Variants in KCNQ1 observed in about 807,000 individuals in gnomAD.
The protein encoded by KCNQ1 is potassium voltage-gated channel subfamily KQT member 1.
KCNQ1 carries 49 observed loss-of-function variants against 72.4 expected under a neutral mutation model. The observed-to-expected ratio is 0.68, with a 90% CI of 0.54 to 0.86. The LOEUF (loss-of-function observed/expected upper bound fraction) is 0.86, where lower values mean the gene tolerates loss of function less well. Ranked by LOEUF, KCNQ1 falls within the 40% of genes least tolerant of loss-of-function variation. KCNQ1 has a pLI of 0.00. For synonymous variants in KCNQ1, 450 were observed against 412.6 expected (o/e 1.09, Z -1.10); for missense variants, 790 against 945.1 (o/e 0.84, Z 2.15).
rs953191450 is a variant in KCNQ1 at position 2,507,405 on chromosome 11, C to T, written c.387-20523C>T. Among the ~76,000 whole-genome samples, 26 of 151,776 alleles carry T rather than the reference C, an allele frequency of 1.7e-4. No homozygotes were observed. Among genetic ancestry groups the T allele is most frequent in the Admixed American group, 7.2e-4 (11 of 15,204 alleles). Reference sequence around the variant, plus strand: ...TGACTGAGGTGGCTGTGGGATGGGACGGCGTGGTTTGCTCTAGAGGGTTTG... The same window carrying T: ...TGACTGAGGTGGCTGTGGGATGGGATGGCGTGGTTTGCTCTAGAGGGTTTG... On this transcript the variant is annotated intron_variant, in intron 1 of 15. Transcript: ENST00000155840. The surrounding 1 kb of genome is among the most constrained non-coding windows in gnomAD (Gnocchi z 5.4).
At chr11:2,521,801 C>G (rs941475705) in intron 1 of KCNQ1, among the ~76,000 whole-genome samples, 1 of 152,270 alleles carries the variant, frequency 6.6e-6, no homozygotes, top group Non-Finnish European at 1.5e-5. Context: ...ACAGCCCCCA[C>G]CCGGACTGGA....
chr11:2,619,127 A>C, intron 10 of KCNQ1: 1 of 398,512 alleles, frequency 2.5e-6, no homozygotes, highest in Non-Finnish European at 4.4e-6. Flanking sequence ...TCATATAAAG[A>C]TAATATTACT....
At position 2,471,665 on chromosome 11, in the gene KCNQ1, C is replaced by T. The variant is rs1331425383; in HGVS notation, c.386+26181C>T. On this transcript the variant is annotated intron_variant, in intron 1 of 15. Coordinates refer to ENST00000155840, the MANE Select transcript of KCNQ1 (RefSeq NM_000218.3). The surrounding 1 kb of genome is among the most constrained non-coding windows in gnomAD (Gnocchi z 4.8). ...GTGTACACATGTGTATGGGTGTGTG[C>T]ATGGGTGTGCACATGTGTATGGGTG... 2.7e-5 allele frequency among the ~76,000 whole-genome samples: 4 copies of T among 146,294 alleles called. No individual in the cohort carries two copies. Among genetic ancestry groups the T allele is most frequent in the Non-Finnish European group, 4.5e-5 (3 of 66,756 alleles).
intron 11 of KCNQ1, among the ~76,000 whole-genome samples, chr11:2,763,054 G>A (rs1300038780): frequency 2.0e-5 from 3 of 152,006 alleles, no homozygotes. Context: ...TCACCTTGTC[G>A]GTTTCCAATA....
chr11:2,568,545 C>T (rs577275054), intron 2 of KCNQ1, among the ~76,000 whole-genome samples: 1 of 152,334 alleles, frequency 6.6e-6, no homozygotes, highest in East Asian at 1.9e-4. Context: ...GGCCCGGTCT[C>T]CCTAACGGGC....
intron 11 of KCNQ1, chr11:2,689,577 A>G (rs1350490899): frequency 2.5e-6 from 1 of 398,564 alleles, no homozygotes; most frequent in Non-Finnish European, 4.4e-6. Context: ...GAAATCTGTT[A>G]GCAGTGGTGT....
At position 2,536,125 on chromosome 11, in the gene KCNQ1, T is replaced by A. The variant is rs1847727997; in HGVS notation, c.477+8107T>A. Among the ~76,000 whole-genome samples, 3 of 152,198 alleles carry A rather than the reference T, an allele frequency of 2.0e-5. No homozygotes were observed. Among genetic ancestry groups the A allele is most frequent in the Non-Finnish European group, 4.4e-5 (3 of 68,024 alleles). ...GCACAGGCCACGCGGCGACAGGGGC[T>A]GCTGAAGGAAGGCTGGTCCGCTCCC... is the stretch of plus-strand genomic sequence containing the variant. On this transcript the variant is annotated intron_variant, in intron 2 of 15. Coordinates refer to ENST00000155840, the MANE Select transcript of KCNQ1 (RefSeq NM_000218.3). The surrounding 1 kb of genome is among the most constrained non-coding windows in gnomAD (Gnocchi z 7.4).
chr11:2,710,702 C>T lies in KCNQ1; in HGVS notation c.1514+48621C>T, dbSNP rs1850988021. Among the ~76,000 whole-genome samples the T allele has an allele frequency of 1.3e-5, 2 of 152,192 alleles. No homozygotes were observed. Among genetic ancestry groups the T allele is most frequent in the Non-Finnish European group, 2.9e-5 (2 of 68,042 alleles). On this transcript the variant is annotated intron_variant, in intron 11 of 15. Transcript: ENST00000155840. This position sits in a 1 kb window ranked among gnomAD's most constrained non-coding sequence, Gnocchi z 4.1. ...CTTTATTCTTTGTCATGTGGATAGA[C>T]AGTTATCCCAACACCATTTGTTGAA... is the stretch of plus-strand genomic sequence containing the variant.
Position 2,515,139 on chromosome 11 carries a change from T to G in KCNQ1, c.387-12789T>G, listed in dbSNP as rs1352971496. On this transcript the variant is annotated intron_variant, in intron 1 of 15. Coordinates refer to ENST00000155840, the MANE Select transcript of KCNQ1 (RefSeq NM_000218.3). This position sits in a 1 kb window ranked among gnomAD's most constrained non-coding sequence, Gnocchi z 4.7. ...CCCATCAGCCGGATATTGGACGTTA[T>G]ACTCAATAGGTAATTTTTCAACCCT... 1.3e-5 allele frequency among the ~76,000 whole-genome samples: 2 copies of G among 152,194 alleles called. No individual in the cohort carries two copies. The highest frequency in any genetic ancestry group is 2.9e-5 in the Non-Finnish European group (2 of 68,036).
intron 11 of KCNQ1, among the ~76,000 whole-genome samples, chr11:2,729,261 G>A (rs554344197): frequency 2.0e-5 from 3 of 152,372 alleles, no homozygotes; most frequent in East Asian, 3.9e-4. Flanking sequence ...CTGCGGGCTC[G>A]AGTGACTGCC....
intron 1 of KCNQ1, among the ~76,000 whole-genome samples, chr11:2,499,705 A>C (rs956488826): frequency 6.6e-6 from 1 of 152,340 alleles, no homozygotes; most frequent in South Asian, 2.1e-4. Flanking sequence ...GATAATAACT[A>C]TAAGAAGAGA....
chr11:2,590,813 T>G (rs1165040715), intron 10 of KCNQ1, among the ~76,000 whole-genome samples: 1 of 152,164 alleles, frequency 6.6e-6, no homozygotes, highest in Non-Finnish European at 1.5e-5. Flanking sequence ...CCTTGGAGGC[T>G]GGACCCCACT....
chr11:2,627,675 T>C lies in KCNQ1; in HGVS notation c.1394-34286T>C, dbSNP rs531472890. On this transcript the variant is annotated intron_variant, in intron 10 of 15. Coordinates refer to ENST00000155840, the MANE Select transcript of KCNQ1 (RefSeq NM_000218.3). This position sits in a 1 kb window ranked among gnomAD's most constrained non-coding sequence, Gnocchi z 4.9. ...ATATTTCATTGTGTGTGTGTATATA[T>C]GTGTGTGTGTGTGTCTGTATGTATA... The C allele has an allele frequency of 1.5e-5, 6 of 396,680 alleles. No homozygotes were observed. Among genetic ancestry groups the C allele is most frequent in the African/African-American group, 1.2e-4 (6 of 48,650 alleles). The allele number at this position is 396,680 out of a possible 1,614,324, so 24.6% of individuals were successfully genotyped here.
chr11:2,747,711 G>A (rs1236471660), intron 11 of KCNQ1, among the ~76,000 whole-genome samples: 2 of 152,206 alleles, frequency 1.3e-5, no homozygotes, highest in East Asian at 3.9e-4. Context: ...CACAGGCTAG[G>A]ATGGTGGGAA....
chr11:2,728,438 C>T (rs1473289106), intron 11 of KCNQ1, among the ~76,000 whole-genome samples: 3 of 152,258 alleles, frequency 2.0e-5, no homozygotes, highest in Non-Finnish European at 4.4e-5. Flanking sequence ...GACTCTAGAA[C>T]CGGGGGTTGG....
intron 10 of KCNQ1, chr11:2,633,263 A>C (rs1849392860): frequency 2.5e-6 from 1 of 398,378 alleles, no homozygotes; most frequent in Non-Finnish European, 4.4e-6. Context: ...AATTGTTTGA[A>C]TTCCTTGTAT....
intron 11 of KCNQ1, among the ~76,000 whole-genome samples, chr11:2,700,338 T>C (rs11023840): frequency 0.39 from 59,669 of 151,840 alleles, 12,759 homozygotes; most frequent in East Asian, 0.82. Flanking sequence ...CGGGGTGAGC[T>C]GGAGACACGG....
rs920225683 is a variant in KCNQ1, at chr11:2,536,966, G to T, written c.477+8948G>T. Reference sequence around the variant, plus strand: ...TTACCTCACAGGGCATCCTCCCTGCGTGTGAGTCTGGAGCCAAATTTCTCC... The same window carrying T: ...TTACCTCACAGGGCATCCTCCCTGCTTGTGAGTCTGGAGCCAAATTTCTCC... On this transcript the variant is annotated intron_variant, in intron 2 of 15. Coordinates refer to ENST00000155840, the MANE Select transcript of KCNQ1 (RefSeq NM_000218.3). This position sits in a 1 kb window ranked among gnomAD's most constrained non-coding sequence, Gnocchi z 7.4. Among the ~76,000 whole-genome samples, 1 of 151,874 alleles carries T rather than the reference G, an allele frequency of 6.6e-6. No homozygotes were observed. Among genetic ancestry groups the T allele is most frequent in the South Asian group, 2.1e-4 (1 of 4,822 alleles).
rs1421500959 is a variant in KCNQ1, at chr11:2,477,336, GTCAT to G, written c.386+31853_386+31856del. Among the ~76,000 whole-genome samples the G allele has an allele frequency of 6.6e-6, 1 of 152,180 alleles. No homozygotes were observed. The highest frequency in any genetic ancestry group is 1.9e-4 in the East Asian group (1 of 5,182). On this transcript the variant is annotated intron_variant, in intron 1 of 15. Coordinates refer to ENST00000155840, the MANE Select transcript of KCNQ1 (RefSeq NM_000218.3). The surrounding 1 kb of genome is among the most constrained non-coding windows in gnomAD (Gnocchi z 5.0). ...AAAGGTAGGAAATGCTCTTTACAAA[GTCAT>G]CAAAAAGTTTTTTCTGGAAAAGCCT...
Sources: gnomAD v4.1 joint callset for allele counts (sites outside exome capture counted in the v4.1 genomes callset) on GRCh38, gnomAD v4.1.1 for gene constraint, Gnocchi (gnomAD v3.1) non-coding constraint, MANE v1.5 for transcripts, NCBI Gene and HGNC (gene_info 2026-07-23, HGNC 2026-07-21) for gene names.